The following PFKFB3 variants were observed in gnomAD, a reference collection of about 807,000 sequenced individuals.
PFKFB3 encodes 6-phosphofructo-2-kinase/fructose-2,6-bisphosphatase 3.
A neutral mutation model predicts 68.0 loss-of-function variants in PFKFB3; 33 were observed. The ratio of observed to expected loss-of-function variants is 0.49; its 90% CI spans 0.37 to 0.65. The LOEUF (loss-of-function observed/expected upper bound fraction) is 0.65, where lower values mean the gene tolerates loss of function less well. PFKFB3 is among the 30% of genes least tolerant of loss of function. PFKFB3 has a pLI of 0.00. For missense variants in PFKFB3, 586 were observed against 712.2 expected (o/e 0.82, Z 2.02); for synonymous variants, 315 against 288.2 (o/e 1.09, Z -0.94).
chr10:6,166,030 A>T (rs1439373664), intron 1 of PFKFB3, among the ~76,000 whole-genome samples: 1 of 142,236 alleles, frequency 7.0e-6, no homozygotes, highest in African/African-American at 2.7e-5. Context: ...TCCAGGCTGG[A>T]GTGCAGTGGC....
rs561546790 is a variant in PFKFB3 at position 6,213,885 on chromosome 10, A to T, written c.202+137A>T. The T allele has an allele frequency of 3.5e-6, 3 of 859,986 alleles. No individual in the cohort carries two copies. The Admixed American group carries it at 7.0e-5, about 20-fold the overall frequency. 53.3% of individuals were successfully genotyped at this position (859,986 alleles called of 1,614,324 possible). On this transcript the variant is annotated intron_variant, in intron 2 of 14. Coordinates refer to ENST00000379775, the MANE Select transcript of PFKFB3 (RefSeq NM_004566.4). Reference sequence around the variant, plus strand: ...GGGAGTCTGATCCTGCCTCCCATGCAGCTGGGTCCCCTTCACACTGTGTCT... The same window carrying T: ...GGGAGTCTGATCCTGCCTCCCATGCTGCTGGGTCCCCTTCACACTGTGTCT...
chr10:6,209,305 C>A (rs145835596), intron 1 of PFKFB3, among the ~76,000 whole-genome samples: 117 of 152,228 alleles, frequency 7.7e-4, no homozygotes, highest in African/African-American at 2.8e-3. Context: ...CATCTGTGTT[C>A]CCCCAGGCAT....
chr10:6,223,257 C>T (rs1171664341), intron 11 of PFKFB3, among the ~76,000 whole-genome samples: 1 of 152,210 alleles, frequency 6.6e-6, no homozygotes, highest in African/African-American at 2.4e-5. Flanking sequence ...TGGCTCCACA[C>T]ATCCCAGGGT....
intron 1 of PFKFB3, among the ~76,000 whole-genome samples, chr10:6,164,809 C>A (rs190472143): frequency 2.0e-5 from 3 of 152,152 alleles, no homozygotes; most frequent in South Asian, 2.1e-4. Context: ...TTATGTTTCC[C>A]TTTACTCAGA....
chr10:6,249,170 G>A (rs1378254488), intron 14 of PFKFB3, among the ~76,000 whole-genome samples: 3 of 99,858 alleles, frequency 3.0e-5, no homozygotes, highest in African/African-American at 8.6e-5. Flanking sequence ...GCAAAACTCC[G>A]TCTCAATTAA....
the PFKFB3 span, among the ~76,000 whole-genome samples, chr10:6,282,749 A>G: frequency 1.3e-5 from 2 of 152,224 alleles, no homozygotes; most frequent in Non-Finnish European, 2.9e-5. Flanking sequence ...TTCAGAGGTT[A>G]GTGAGTTTAC....
At chr10:6,240,928 A>T (rs1846125044) in intron 14 of PFKFB3, among the ~76,000 whole-genome samples, 2 of 150,492 alleles carry the variant, frequency 1.3e-5, no homozygotes, top group South Asian at 4.2e-4. Flanking sequence ...TTTTTGAGAC[A>T]GATTCTCACT....
the PFKFB3 span, among the ~76,000 whole-genome samples, chr10:6,301,893 C>T: frequency 6.6e-6 from 1 of 152,180 alleles, no homozygotes; most frequent in Non-Finnish European, 1.5e-5. Context: ...TTATTATCTG[C>T]TCTGATTAAT....
chr10:6,236,816 G>A (rs1185378026), downstream of PFKFB3, among the ~76,000 whole-genome samples: 1 of 152,234 alleles, frequency 6.6e-6, no homozygotes, highest in Non-Finnish European at 1.5e-5. Context: ...ATCCACAGGG[G>A]CTCTGACCTT....
At chr10:6,230,578 G>A (rs529556191) in intron 14 of PFKFB3, among the ~76,000 whole-genome samples, 2 of 152,270 alleles carry the variant, frequency 1.3e-5, no homozygotes, top group South Asian at 2.1e-4. Flanking sequence ...CCCTGGGCCT[G>A]TGGAGACTTC....
At chr10:6,166,339 C>T (rs915212582) in intron 1 of PFKFB3, among the ~76,000 whole-genome samples, 2 of 151,666 alleles carry the variant, frequency 1.3e-5, no homozygotes, top group African/African-American at 2.4e-5. Flanking sequence ...GTGATCCACC[C>T]GCCTTAGGCT....
Position 6,202,980 on chromosome 10 carries a change from G to A in PFKFB3, c.-281G>A, listed in dbSNP as rs1383973939. On this transcript the variant is annotated 5_prime_UTR_variant, in exon 1 of 15. Coordinates refer to ENST00000379775, the MANE Select transcript of PFKFB3 (RefSeq NM_004566.4). ...CAGCAGGGCCTGGTGGCGAGAGCGC[G>A]GCTGTCACTGCGCCCGAGCATCCCA... 5.4e-6 allele frequency: 7 copies of A among 1,303,942 alleles called. No homozygotes were observed. The highest frequency in any genetic ancestry group is 4.7e-5 in the African/African-American group (3 of 63,626). 80.8% of individuals were successfully genotyped at this position (1,303,942 alleles called of 1,614,324 possible). A position where few individuals can be genotyped will look rare whatever the true frequency, so the allele number is the denominator to read the frequency against.
At position 6,229,661 on chromosome 10, in the gene PFKFB3, T is replaced by G. The variant is rs1314813515; in HGVS notation, c.1516-3234T>G. On this transcript the variant is annotated intron_variant, in intron 14 of 14. Coordinates refer to ENST00000379775, the MANE Select transcript of PFKFB3 (RefSeq NM_004566.4). This position sits in a 1 kb window ranked among gnomAD's most constrained non-coding sequence, Gnocchi z 4.3. ...GGGGCCAGCGTGCAGTGCTTCAGGA[T>G]CTGGGCTTCTCCTTGTGTGAAACTT... 6.6e-6 allele frequency among the ~76,000 whole-genome samples: 1 copy of G among 152,176 alleles called. No homozygotes were observed.
At chr10:6,266,695 T>C in the PFKFB3 span, among the ~76,000 whole-genome samples, 1 of 151,460 alleles carries the variant, frequency 6.6e-6, no homozygotes, top group Non-Finnish European at 1.5e-5. Context: ...GCAAATGTTC[T>C]TCTTTCACCC....
intron 1 of PFKFB3, among the ~76,000 whole-genome samples, chr10:6,187,799 A>G (rs1019364479): frequency 2.2e-4 from 33 of 152,306 alleles, no homozygotes; most frequent in African/African-American, 7.2e-4. Flanking sequence ...ACTTCTCATG[A>G]ACTTTAACAT....
intron 1 of PFKFB3, among the ~76,000 whole-genome samples, chr10:6,168,736 G>A (rs150729544): frequency 4.6e-5 from 7 of 152,262 alleles, no homozygotes; most frequent in Admixed American, 1.3e-4. Context: ...CTGCCCACTC[G>A]CAGGTGCCGA....
At chr10:6,242,652 G>T (rs1001193187) in intron 14 of PFKFB3, among the ~76,000 whole-genome samples, 3 of 150,732 alleles carry the variant, frequency 2.0e-5, no homozygotes, top group Non-Finnish European at 2.9e-5. Flanking sequence ...CAATGGTGTG[G>T]TCTCAGCTCA....
chr10:6,266,995 C>G, the PFKFB3 span, among the ~76,000 whole-genome samples: 4 of 152,186 alleles, frequency 2.6e-5, no homozygotes, highest in Non-Finnish European at 5.9e-5. Context: ...TTTAGAGGTG[C>G]TAAATTATAA....
chr10:6,206,930 CAG>C (rs1380841929), intron 1 of PFKFB3, among the ~76,000 whole-genome samples: 1 of 142,484 alleles, frequency 7.0e-6, no homozygotes, highest in Non-Finnish European at 1.5e-5. Flanking sequence ...GGCGGCCAGG[CAG>C]AGACACTCCT....
Sources: allele counts gnomAD v4.1 joint callset (sites outside exome capture counted in the v4.1 genomes callset), GRCh38; gene constraint gnomAD v4.1.1; non-coding constraint Gnocchi (gnomAD v3.1); transcripts MANE v1.5; gene names NCBI Gene and HGNC (gene_info 2026-07-23, HGNC 2026-07-21).